The following PPP2R2B variants were observed in gnomAD, a reference collection of about 807,000 sequenced individuals.
PPP2R2B encodes protein phosphatase 2 regulatory subunit Bbeta.
A neutral mutation model predicts 46.0 loss-of-function variants in PPP2R2B; 5 were observed. The ratio of observed to expected loss-of-function variants is 0.11; its 90% confidence interval spans 0.06 to 0.23. The LOEUF is 0.23. PPP2R2B is among the 10% of genes least tolerant of loss of function. PPP2R2B has a pLI of 1.00. For missense variants in PPP2R2B, 367 were observed against 575.0 expected (o/e 0.64, Z 3.70); for synonymous variants, 215 against 206.7 (o/e 1.04, Z -0.34).
chr5:146,765,619 T>C (rs1754430184), intron 2 of PPP2R2B, among the ~76,000 whole-genome samples: 1 of 152,236 alleles, frequency 6.6e-6, no homozygotes, highest in Non-Finnish European at 1.5e-5. Context: ...CCATGCTTTG[T>C]TTCTTAACAT....
intron 7 of PPP2R2B, among the ~76,000 whole-genome samples, chr5:146,610,188 C>T (rs1198595137): frequency 2.8e-5 from 1 of 35,980 alleles, no homozygotes; most frequent in Non-Finnish European, 4.9e-5. Context: ...GGTCCCTGAC[C>T]CCTGACCCCC....
chr5:146,993,614 C>T (rs1009139529), intron 1 of PPP2R2B, among the ~76,000 whole-genome samples: 2 of 152,176 alleles, frequency 1.3e-5, no homozygotes, highest in Admixed American at 6.5e-5. Context: ...TACATTGCTA[C>T]TGTGTGATAC....
chr5:147,075,140 G>A lies in PPP2R2B; in HGVS notation c.50+5919C>T, dbSNP rs146887037. Among the ~76,000 whole-genome samples the A allele has an allele frequency of 6.0e-3, 911 of 152,212 alleles. 9 individuals carry two copies. The highest frequency in any genetic ancestry group is 0.02 in the African/African-American group (834 of 41,534). On this transcript the variant is annotated intron_variant, in intron 2 of 10. Transcript: ENST00000394413. ...AAGTCTCAAGAAGTTATCTGATATCGAGTGGGAAATTTTTACCATATAAAG... is the reference window on the plus strand; with the variant it reads ...AAGTCTCAAGAAGTTATCTGATATCAAGTGGGAAATTTTTACCATATAAAG...
chr5:146,699,364 T>C (rs1162964503), intron 3 of PPP2R2B, among the ~76,000 whole-genome samples: 1 of 152,192 alleles, frequency 6.6e-6, no homozygotes, highest in African/African-American at 2.4e-5. Flanking sequence ...TTCTCGGATT[T>C]AGTGCTCATT....
chr5:147,018,596 G>A (rs1232606607), intron 1 of PPP2R2B, among the ~76,000 whole-genome samples: 1 of 152,096 alleles, frequency 6.6e-6, no homozygotes, highest in Non-Finnish European at 1.5e-5. Context: ...AGAAAATATA[G>A]TAAATGTTGA....
intron 1 of PPP2R2B, among the ~76,000 whole-genome samples, chr5:146,997,002 G>C (rs2151866250): frequency 6.6e-6 from 1 of 152,172 alleles, no homozygotes; most frequent in Middle Eastern, 3.4e-3. Context: ...TAACCTCTTT[G>C]ACCTTCCATT....
intron 1 of PPP2R2B, among the ~76,000 whole-genome samples, chr5:146,940,988 G>T (rs1764305110): frequency 6.6e-6 from 1 of 152,088 alleles, no homozygotes; most frequent in South Asian, 2.1e-4. Context: ...TAGGACATTT[G>T]TCCACCGCTG....
chr5:146,902,566 A>G (rs1762869101), intron 1 of PPP2R2B, among the ~76,000 whole-genome samples: 1 of 152,220 alleles, frequency 6.6e-6, no homozygotes, highest in African/African-American at 2.4e-5. Flanking sequence ...CTCTAGATAT[A>G]CAACTACACA....
At chr5:146,999,469 G>A (rs1754067984) in intron 1 of PPP2R2B, among the ~76,000 whole-genome samples, 1 of 152,148 alleles carries the variant, frequency 6.6e-6, no homozygotes, top group African/African-American at 2.4e-5. Context: ...CCTATCCCCA[G>A]AGATTCTGAT....
intron 1 of PPP2R2B, among the ~76,000 whole-genome samples, chr5:146,964,917 C>T (rs1478952438): frequency 6.6e-6 from 1 of 152,096 alleles, no homozygotes; most frequent in African/African-American, 2.4e-5. Context: ...TGACTGTGAA[C>T]AAGTCACTCC....
intron 2 of PPP2R2B, among the ~76,000 whole-genome samples, chr5:146,869,118 T>C (rs1213437551): frequency 1.3e-5 from 2 of 152,198 alleles, no homozygotes; most frequent in African/African-American, 4.8e-5. Context: ...GACACAGTAC[T>C]GGGCACATAT....
At chr5:146,882,875 C>G (rs894230706), upstream of PPP2R2B, among the ~76,000 whole-genome samples, 1 of 152,196 alleles carries the variant, frequency 6.6e-6, no homozygotes, top group East Asian at 1.9e-4. Flanking sequence ...AGGCCAATTA[C>G]AAATACACAG....
rs563203806 is a variant in PPP2R2B, at chr5:146,979,111, A to G, written c.79+76554T>C. Among the ~76,000 whole-genome samples, 3 of 152,136 alleles carry G rather than the reference A, an allele frequency of 2.0e-5. No individual in the cohort carries two copies. The South Asian group carries it at 6.2e-4, about 32-fold the overall frequency. On this transcript the variant is annotated intron_variant, in intron 1 of 8. Transcript: ENST00000336640. Reference sequence around the variant, plus strand: ...CTTCAGTAACATTGGTCTCCTTGCTATTTCTCTAATAGGACATATACGCTT... The same window carrying G: ...CTTCAGTAACATTGGTCTCCTTGCTGTTTCTCTAATAGGACATATACGCTT...
chr5:146,964,912 G>A (rs1752335947), intron 1 of PPP2R2B, among the ~76,000 whole-genome samples: 1 of 152,092 alleles, frequency 6.6e-6, no homozygotes, highest in Non-Finnish European at 1.5e-5. Context: ...TTGGGTGACT[G>A]TGAACAAGTC....
chr5:146,797,233 C>G (rs1328040527), intron 2 of PPP2R2B, among the ~76,000 whole-genome samples: 1 of 152,174 alleles, frequency 6.6e-6, no homozygotes, highest in Admixed American at 6.6e-5. Context: ...TAAGGATGCA[C>G]CATCTGTGGA....
At chr5:146,899,661 C>T (rs1032302146) in intron 1 of PPP2R2B, among the ~76,000 whole-genome samples, 1 of 151,788 alleles carries the variant, frequency 6.6e-6, no homozygotes, top group Non-Finnish European at 1.5e-5. Context: ...AAGATAAAGC[C>T]AAAATATCAG....
chr5:146,642,530 T>C (rs954698140), intron 6 of PPP2R2B, among the ~76,000 whole-genome samples: 4 of 152,196 alleles, frequency 2.6e-5, no homozygotes, highest in African/African-American at 9.6e-5. Context: ...TCTCATTAAA[T>C]TGTTTTTGCA....
At chr5:146,814,225 CT>C (rs200735774) in intron 2 of PPP2R2B, among the ~76,000 whole-genome samples, 1 of 147,704 alleles carries the variant, frequency 6.8e-6, no homozygotes, top group South Asian at 2.1e-4. Context: ...ATCCTATGGT[CT>C]TTTTTTTTCT....
At chr5:146,989,059 T>C (rs1176863838) in intron 1 of PPP2R2B, among the ~76,000 whole-genome samples, 3 of 151,822 alleles carry the variant, frequency 2.0e-5, no homozygotes, top group Admixed American at 6.6e-5. Flanking sequence ...CATGAAGAAA[T>C]AGAAAAACTG....
Sources: gnomAD v4.1 joint callset for allele counts (sites outside exome capture counted in the v4.1 genomes callset) on GRCh38, gnomAD v4.1.1 for gene constraint, MANE v1.5 for transcripts, NCBI Gene and HGNC (gene_info 2026-07-23, HGNC 2026-07-21) for gene names.